Variants in WDR88 observed in about 807,000 individuals in gnomAD.
WDR88 encodes WD repeat domain 88.
A neutral mutation model predicts 46.8 loss-of-function variants in WDR88; 40 were observed. That is an observed-to-expected ratio of 0.86 (90% CI 0.66 to 1.11). The LOEUF (loss-of-function observed/expected upper bound fraction) is 1.11, where lower values mean the gene tolerates loss of function less well. Among genes scored for constraint, WDR88 ranks in the 50% most tolerant of loss-of-function variants. The pLI is 0.00. For missense variants in WDR88, 562 were observed against 602.4 expected (o/e 0.93, Z 0.70); for synonymous variants, 235 against 240.7 (o/e 0.98, Z 0.22).
At chr19:33,149,802 G>A (rs923013239) in intron 5 of WDR88, among the ~76,000 whole-genome samples, 1 of 152,108 alleles carries the variant, frequency 6.6e-6, no homozygotes, top group South Asian at 2.1e-4. Flanking sequence ...TGGGATTACA[G>A]GCACCCACCA....
intron 7 of WDR88, among the ~76,000 whole-genome samples, chr19:33,158,095 C>T (rs895857541): frequency 9.9e-5 from 15 of 152,068 alleles, no homozygotes; most frequent in South Asian, 4.1e-4. Context: ...GAAGCCACCG[C>T]GGCTAGCCAG....
At chr19:33,152,811 A>G (rs558573609) in intron 6 of WDR88, among the ~76,000 whole-genome samples, 39 of 152,194 alleles carry the variant, frequency 2.6e-4, no homozygotes, top group African/African-American at 9.4e-4. Context: ...CATGTTGGCC[A>G]GGCTGGTCTC....
At chr19:33,174,508 G>A (rs891077199) in intron 10 of WDR88, 63 of 985,262 alleles carry the variant, frequency 6.4e-5, no homozygotes, top group East Asian at 1.1e-4. Flanking sequence ...GGAAGCAGAC[G>A]TGATGGGTGA....
Position 33,175,666 on chromosome 19 carries a change from C to A in WDR88, c.*94C>A. On this transcript the variant is annotated 3_prime_UTR_variant, in exon 11 of 11. Transcript: ENST00000355868. Reference sequence around the variant, plus strand: ...GGCTTTCTCTTGGGCCCCTCCCAGGCTCAGCAGGCCTGTCAGACTGGGGCA... The same window carrying A: ...GGCTTTCTCTTGGGCCCCTCCCAGGATCAGCAGGCCTGTCAGACTGGGGCA... 6.8e-7 allele frequency: 1 copy of A among 1,480,938 alleles called. No homozygotes were observed. Among genetic ancestry groups the A allele is most frequent in the Non-Finnish European group, 9.2e-7 (1 of 1,084,762 alleles). The allele number at this position is 1,480,938 out of a possible 1,614,324, so 91.7% of individuals were successfully genotyped here.
chr19:33,156,673 G>A, intron 7 of WDR88, 131 bp downstream of exon 7: 2 of 1,100,346 alleles, frequency 1.8e-6, no homozygotes, highest in East Asian at 2.6e-5. Flanking sequence ...TTCCCCACGA[G>A]AACAAAAAAC....
chr19:33,159,495 T>C (rs1221067615), intron 7 of WDR88, among the ~76,000 whole-genome samples: 6 of 152,206 alleles, frequency 3.9e-5, no homozygotes, highest in Non-Finnish European at 1.5e-5. Context: ...GAGTTACAGC[T>C]GTTGGTTGTG....
At chr19:33,137,545 C>T in intron 1 of WDR88, 132 bp from the exon 2 acceptor site, 3 of 774,028 alleles carry the variant, frequency 3.9e-6, no homozygotes, top group South Asian at 3.6e-5. Context: ...GAACCACCCC[C>T]CTGGCCAGAA....
intron 6 of WDR88, among the ~76,000 whole-genome samples, chr19:33,155,633 G>C (rs1402398157): frequency 6.6e-6 from 1 of 152,112 alleles, no homozygotes; most frequent in African/African-American, 2.4e-5. Flanking sequence ...TGGGGAGCAG[G>C]AGAGAGCCTC....
At chr19:33,167,777 T>C (rs10425344) in intron 9 of WDR88, among the ~76,000 whole-genome samples, 31,394 of 151,016 alleles carry the variant, frequency 0.21, 4,701 homozygotes, top group African/African-American at 0.4. Context: ...TCCTCTCCTC[T>C]CTCCTCTCTC....
In WDR88 at chr19:33,156,365, A is replaced by G; in HGVS notation, c.820A>G (p.Asn274Asp). The G allele has an allele frequency of 6.2e-7, 1 of 1,614,050 alleles. No individual in the cohort carries two copies. Among genetic ancestry groups the G allele is most frequent in the Non-Finnish European group, 8.5e-7 (1 of 1,180,000 alleles). ...CCATCTGTGTTTCAGGGCACATTCC[A>G]ATGCAATCTCAAACTGCTGTTTTAC... ...TLLTITKAHS[N>D]AISNCCFTFS... The change falls in exon 7 of 11, where the codon AAT (asparagine) becomes GAT (aspartate). Residue 274 changes from asparagine (N) to aspartate (D), a missense_variant. Coordinates refer to ENST00000355868, the MANE Select transcript of WDR88 (RefSeq NM_173479.4).
At chr19:33,151,143 AG>A in intron 5 of WDR88, 37 bp from the exon 6 acceptor site, 1 of 1,596,116 alleles carries the variant, frequency 6.3e-7, no homozygotes, top group African/African-American at 1.3e-5. Context: ...AGCAGGTGGA[AG>A]GCGTGGTCTC....
intron 6 of WDR88, among the ~76,000 whole-genome samples, chr19:33,155,023 A>T (rs957037119): frequency 3.9e-5 from 6 of 152,214 alleles, no homozygotes; most frequent in Non-Finnish European, 8.8e-5. Flanking sequence ...TTACAAGAGG[A>T]GGTGAGAATC....
At position 33,160,452 on chromosome 19, in the gene WDR88, G is replaced by A. The variant is rs1395568192; in HGVS notation, c.1036G>A (p.Ala346Thr). ...LISGGFDRTV[A>T]IWDVAEGYRK... is the part of the protein sequence containing the mutation. ...TTCTGGAGGGTTTGATAGGACTGTGGCTATTTGGGATGTAGCAGAAGGCTA... is the reference window on the plus strand; with the variant it reads ...TTCTGGAGGGTTTGATAGGACTGTGACTATTTGGGATGTAGCAGAAGGCTA... Residue 346 changes from alanine to threonine, a missense_variant, in exon 8 of 11, where the codon GCT becomes ACT. By Grantham distance (58) the Ala-to-Thr change is moderately conservative (BLOSUM62 0). Coordinates refer to ENST00000355868, the MANE Select transcript of WDR88 (RefSeq NM_173479.4). 1 of 1,614,188 alleles carries A rather than the reference G, an allele frequency of 6.2e-7. No individual in the cohort carries two copies. Among genetic ancestry groups the A allele is most frequent in the Non-Finnish European group, 8.5e-7 (1 of 1,180,032 alleles).
At chr19:33,162,673 C>G (rs1267158262) in intron 8 of WDR88, among the ~76,000 whole-genome samples, 1 of 152,056 alleles carries the variant, frequency 6.6e-6, no homozygotes, top group Non-Finnish European at 1.5e-5. Context: ...AACCTGAGAC[C>G]AGCTGGGAAT....
intron 3 of WDR88, 40 bp from the exon 4 acceptor site, chr19:33,147,605 A>G (rs1230517919): frequency 1.2e-6 from 2 of 1,607,400 alleles, no homozygotes; most frequent in Admixed American, 1.7e-5. Flanking sequence ...CCTGTCTCAA[A>G]AAAAAGAACC....
chr19:33,172,544 G>A, intron 10 of WDR88, 104 bp downstream of exon 10: 1 of 923,334 alleles, frequency 1.1e-6, no homozygotes, highest in Non-Finnish European at 1.6e-6. Context: ...ATGCAATCGT[G>A]AACAAACAGA....
chr19:33,149,168 C>A lies in WDR88; in HGVS notation c.679+258C>A, dbSNP rs548651880. ...AACCCTGTCACTACCAAAAACAATA[C>A]AAAAATTAGCCAGGTGTGATGGCAT... On this transcript the variant is annotated intron_variant, in intron 5 of 10. Coordinates refer to ENST00000355868, the MANE Select transcript of WDR88 (RefSeq NM_173479.4). Among the ~76,000 whole-genome samples the A allele has an allele frequency of 6.6e-5, 10 of 152,164 alleles. No individual in the cohort carries two copies. In the South Asian group the frequency reaches 2.1e-3, roughly 32 times the overall value.
At position 33,148,900 on chromosome 19, in the gene WDR88, C is replaced by T. The variant is rs144975503; in HGVS notation, c.669C>T (p.Ser223=). The T allele has an allele frequency of 9.3e-6, 15 of 1,614,040 alleles. No homozygotes were observed. Among genetic ancestry groups the T allele is most frequent in the Middle Eastern group, 1.7e-4 (1 of 6,052 alleles). The change falls in exon 5 of 11, where the codon TCC becomes TCT. Residue 223 remains serine (S), a synonymous_variant. Coordinates refer to ENST00000355868, the MANE Select transcript of WDR88 (RefSeq NM_173479.4). The part of the protein sequence containing the change: ...IMDAENITTV[S]VIKDHHTRSI... ...ACGCCGAGAACATCACCACCGTTTC[C>T]GTCATCAAAGGTGAGGGTGTGCGGG...
intron 5 of WDR88, among the ~76,000 whole-genome samples, chr19:33,150,230 T>A (rs1317566345): frequency 6.6e-6 from 1 of 151,868 alleles, no homozygotes; most frequent in Non-Finnish European, 1.5e-5. Context: ...GGCTGGTGGA[T>A]CACCTGAGCT....
Sources: gnomAD v4.1 joint callset for allele counts (sites outside exome capture counted in the v4.1 genomes callset) on GRCh38, gnomAD v4.1.1 for gene constraint, MANE v1.5 for transcripts, NCBI Gene and HGNC (gene_info 2026-07-23, HGNC 2026-07-21) for gene names.